Variants in YES1 observed in about 807,000 individuals in gnomAD.
The protein encoded by YES1 is tyrosine-protein kinase Yes.
A neutral mutation model predicts 70.4 loss-of-function variants in YES1; 39 were observed. The observed-to-expected ratio is 0.55, with a 90% confidence interval of 0.43 to 0.72. The LOEUF is 0.72. Among genes scored for constraint, YES1 ranks in the 30% least tolerant of loss-of-function variants. The probability of loss-of-function intolerance (pLI) is 0.00; values close to 1 mark genes in which losing one functional copy is unlikely to be tolerated. For missense variants in YES1, 495 were observed against 644.8 expected (o/e 0.77, Z 2.52); for synonymous variants, 198 against 218.6 (o/e 0.91, Z 0.83).
Position 724,628 on chromosome 18 carries a change from C to T in YES1, c.1428G>A (p.Met476Ile). Reference sequence around the variant, plus strand: ...CTTGTTCTAATACTTCACGGTTCACCATACCTAATACACAAGATTAAAACA... The same window carrying T: ...CTTGTTCTAATACTTCACGGTTCACTATACCTAATACACAAGATTAAAACA... ...VTKGRVPYPGMVNREVLEQVE... is the reference protein window; with the variant it reads ...VTKGRVPYPGIVNREVLEQVE... The change falls in exon 12 of 12, where the codon ATG becomes ATA. Residue 476 changes from methionine (M) to isoleucine (I), a missense_variant. By Grantham distance (10) the Met-to-Ile change is conservative. Coordinates refer to ENST00000314574, the MANE Select transcript of YES1 (RefSeq NM_005433.4). 1.2e-6 allele frequency: 2 copies of T among 1,613,662 alleles called. No homozygotes were observed. The highest frequency in any genetic ancestry group is 1.7e-6 in the Non-Finnish European group (2 of 1,179,600).
At chr18:781,758 A>G (rs1267754698) in intron 1 of YES1, among the ~76,000 whole-genome samples, 2 of 152,022 alleles carry the variant, frequency 1.3e-5, no homozygotes, top group East Asian at 1.9e-4. Context: ...CCTAAGACTG[A>G]ATTTCCTTTT....
chr18:742,302 G>GAA (rs1008816332), intron 8 of YES1, among the ~76,000 whole-genome samples: 5 of 151,956 alleles, frequency 3.3e-5, no homozygotes, highest in African/African-American at 9.6e-5. Context: ...TAGAGTTAAG[G>GAA]AAAATGAAGA....
chr18:787,005 GAACT>G (rs1905983630), intron 1 of YES1, among the ~76,000 whole-genome samples: 1 of 143,048 alleles, frequency 7.0e-6, no homozygotes, highest in African/African-American at 2.6e-5. Flanking sequence ...CAAATAATGA[GAACT>G]GACTATATAT....
At chr18:768,287 T>C (rs187193750) in intron 1 of YES1, among the ~76,000 whole-genome samples, 6 of 152,322 alleles carry the variant, frequency 3.9e-5, no homozygotes, top group African/African-American at 1.2e-4. Context: ...ATTTTAATCA[T>C]ACAAATTTTA....
chr18:797,964 TATG>T (rs1906626368), intron 1 of YES1: 1 of 152,308 alleles, frequency 6.6e-6, no homozygotes, highest in South Asian at 2.1e-4. Flanking sequence ...AACTTCACAC[TATG>T]ATCTCTTAGG....
intron 3 of YES1, among the ~76,000 whole-genome samples, chr18:750,788 G>A (rs1378449813): frequency 8.5e-5 from 13 of 152,090 alleles, no homozygotes; most frequent in Admixed American, 8.5e-4. Context: ...ATATTTTGAA[G>A]GGTGAGTAGG....
intron 6 of YES1, among the ~76,000 whole-genome samples, chr18:744,374 G>T (rs1408934959): frequency 6.7e-6 from 1 of 148,320 alleles, no homozygotes; most frequent in East Asian, 2.0e-4. Context: ...GTTCATTTAG[G>T]ATCATTTAGG....
chr18:748,027 C>G lies in YES1; in HGVS notation c.372-9G>C, dbSNP rs377709565. 2.5e-6 allele frequency: 4 copies of G among 1,612,570 alleles called. No individual in the cohort carries two copies. The African/African-American group carries it at 5.3e-5, about 22-fold the overall frequency. On this transcript the variant is annotated splice_polypyrimidine_tract_variant and intron_variant, in intron 3 of 11. Coordinates refer to ENST00000314574, the MANE Select transcript of YES1 (RefSeq NM_005433.4). ...CCCACCAATCTCCTTCCCTGCAACA[C>G]ATAAAACAGCAATCACCGCAAGGTA... is the stretch of plus-strand genomic sequence containing the variant.
At chr18:812,361 G>A (rs1406965808), upstream of YES1, 3 of 149,560 alleles carry the variant, frequency 2.0e-5, no homozygotes, top group African/African-American at 7.4e-5. Context: ...CTGACTTCTA[G>A]CGGGGGCGGG....
chr18:795,871 G>GTAACA (rs1906515977), intron 1 of YES1, among the ~76,000 whole-genome samples: 2 of 149,972 alleles, frequency 1.3e-5, no homozygotes, highest in African/African-American at 5.0e-5. Context: ...GTGTACCCAT[G>GTAACA]TAACAAACCT....
At chr18:812,477 C>T (rs1056647192), upstream of YES1, 15 of 152,258 alleles carry the variant, frequency 9.9e-5, no homozygotes, top group African/African-American at 3.4e-4. Flanking sequence ...CCGTCAGGTC[C>T]CCTCCGCGGG....
chr18:742,488 G>A (rs2080227550), intron 8 of YES1, among the ~76,000 whole-genome samples: 1 of 150,360 alleles, frequency 6.7e-6, no homozygotes, highest in Admixed American at 6.6e-5. Flanking sequence ...AAAGCAGTGG[G>A]GAAAAAAGTT....
intron 10 of YES1, among the ~76,000 whole-genome samples, chr18:733,502 G>A (rs1244335285): frequency 6.6e-6 from 1 of 151,238 alleles, no homozygotes; most frequent in African/African-American, 2.4e-5. Flanking sequence ...CATGGCTTTC[G>A]GCCGGGCGCG....
At chr18:726,919 G>A (rs188727492) in intron 11 of YES1, among the ~76,000 whole-genome samples, 2 of 151,904 alleles carry the variant, frequency 1.3e-5, no homozygotes, top group Non-Finnish European at 2.9e-5. Context: ...TGAGTAAACA[G>A]GCGCTGTTGC....
In YES1 at chr18:732,939, C is replaced by A. The variant is rs762636176; in HGVS notation, c.1318G>T (p.Ala440Ser). The A allele has an allele frequency of 6.2e-7, 1 of 1,614,160 alleles. No homozygotes were observed. Among genetic ancestry groups the A allele is most frequent in the South Asian group, 1.1e-5 (1 of 91,078 alleles). The part of the protein sequence containing the change: ...QGAKFPIKWT[A>S]PEAALYGRFT... The stretch of plus-strand genomic sequence containing the variant: ...CGACCATACAGTGCAGCTTCAGGAG[C>A]TGTCCATTTGATTGGAAATTTTGCA... The change falls in exon 11 of 12, where the codon GCT becomes TCT. Residue 440 changes from alanine to serine, a missense_variant. Physicochemically the swap from Ala to Ser is moderately conservative, Grantham distance 99 (BLOSUM62 1). Transcript: ENST00000314574.
At chr18:811,931 G>A (rs970956977) in intron 1 of YES1, among the ~76,000 whole-genome samples, 183 bp downstream of exon 1, 4 of 152,162 alleles carry the variant, frequency 2.6e-5, no homozygotes, top group African/African-American at 9.6e-5. Flanking sequence ...GTAGCGCGGG[G>A]AACGAGACAA....
intron 2 of YES1, among the ~76,000 whole-genome samples, chr18:753,870 C>T (rs2080374033): frequency 6.6e-6 from 1 of 152,206 alleles, no homozygotes; most frequent in South Asian, 2.1e-4. Flanking sequence ...CCTATATTTA[C>T]ATACCCAAGT....
intron 1 of YES1, among the ~76,000 whole-genome samples, chr18:810,887 A>G (rs1350274440): frequency 1.3e-5 from 2 of 152,150 alleles, no homozygotes; most frequent in Non-Finnish European, 2.9e-5. Flanking sequence ...CTTGGCTAAT[A>G]CAAGATACTC....
At chr18:750,085 G>A (rs2080326440) in intron 3 of YES1, among the ~76,000 whole-genome samples, 1 of 152,058 alleles carries the variant, frequency 6.6e-6, no homozygotes, top group African/African-American at 2.4e-5. Flanking sequence ...AAACTGAAAA[G>A]GCACTGTCTA....
Sources: gnomAD v4.1 joint callset for allele counts (sites outside exome capture counted in the v4.1 genomes callset) on GRCh38, gnomAD v4.1.1 for gene constraint, MANE v1.5 for transcripts, NCBI Gene and HGNC (gene_info 2026-07-23, HGNC 2026-07-21) for gene names.